Variants in ENOX1 observed in about 807,000 individuals in gnomAD.
ENOX1 encodes the protein ecto-NOX disulfide-thiol exchanger 1.
In ENOX1, 42 loss-of-function variants were observed where a neutral mutation model predicts 82.5. The observed-to-expected ratio is 0.51, with a 90% CI of 0.40 to 0.66. The LOEUF is 0.66. Ranked by LOEUF, ENOX1 falls within the 30% of genes least tolerant of loss-of-function variation. The pLI, the probability that ENOX1 is intolerant of heterozygous loss-of-function variation, is 0.00. For synonymous variants in ENOX1, 271 were observed against 282.2 expected (o/e 0.96, Z 0.40); for missense variants, 608 against 811.6 (o/e 0.75, Z 3.05).
At chr13:43,416,429 G>A (rs565146362) in intron 3 of ENOX1, among the ~76,000 whole-genome samples, 44 of 121,862 alleles carry the variant, frequency 3.6e-4, no homozygotes, top group Admixed American at 5.7e-4. Context: ...CAGACGGGGC[G>A]GCCGGGCAGA....
chr13:43,265,655 G>C (rs2044330767), intron 13 of ENOX1, among the ~76,000 whole-genome samples: 1 of 152,062 alleles, frequency 6.6e-6, no homozygotes, highest in African/African-American at 2.4e-5. Context: ...TTTGATGCCT[G>C]GCAAAAGAAT....
At chr13:43,479,832 A>G (rs1298538986) in intron 3 of ENOX1, among the ~76,000 whole-genome samples, 1 of 152,238 alleles carries the variant, frequency 6.6e-6, no homozygotes, top group Non-Finnish European at 1.5e-5. Context: ...GACAAGGGAA[A>G]GAAGGTTTGA....
intron 2 of ENOX1, among the ~76,000 whole-genome samples, chr13:43,582,160 G>A (rs374241126): frequency 4.0e-5 from 6 of 151,868 alleles, no homozygotes; most frequent in Admixed American, 2.6e-4. Flanking sequence ...GAAAAAATAT[G>A]TCTTATCTTC....
In ENOX1 at chr13:43,589,060, GATAAACAC is replaced by G. The variant is rs2081119362; in HGVS notation, c.-219+78411_-219+78418del. On this transcript the variant is annotated intron_variant, in intron 2 of 16. Transcript: ENST00000690772. Reference sequence around the variant, plus strand: ...ATGATGGATAAACAGCTAACTTACAGATAAACACATTGCTGAGCTCTCCAGAAAACAAG... The same window carrying G: ...ATGATGGATAAACAGCTAACTTACAGATTGCTGAGCTCTCCAGAAAACAAG... Among the ~76,000 whole-genome samples, 3 of 151,606 alleles carry G rather than the reference GATAAACAC, an allele frequency of 2.0e-5. No homozygotes were observed. In the South Asian group the frequency reaches 6.2e-4, roughly 32 times the overall value.
intron 9 of ENOX1, among the ~76,000 whole-genome samples, chr13:43,338,676 GTTTTTTTTTTT>G (rs71099830): frequency 8.4e-4 from 68 of 81,280 alleles, no homozygotes; most frequent in South Asian, 5.8e-3. Flanking sequence ...TTCAGGTTGG[GTTTTTTTTTTT>G]TTTTTTTTTT....
chr13:43,769,146 G>A (rs1016712968), intron 1 of ENOX1, among the ~76,000 whole-genome samples: 6 of 152,140 alleles, frequency 3.9e-5, no homozygotes, highest in African/African-American at 1.4e-4. Flanking sequence ...TCCTCTTATT[G>A]TCATTAGAAA....
At chr13:43,271,972 A>G (rs1166219405) in intron 12 of ENOX1, among the ~76,000 whole-genome samples, 1 of 151,998 alleles carries the variant, frequency 6.6e-6, no homozygotes, top group East Asian at 1.9e-4. Context: ...AGATCCATCC[A>G]TGTTACTATT....
intron 14 of ENOX1, among the ~76,000 whole-genome samples, chr13:43,243,128 T>A (rs2042917411): frequency 8.8e-6 from 1 of 114,140 alleles, no homozygotes; most frequent in Non-Finnish European, 1.7e-5. Flanking sequence ...AGAGTGAGAC[T>A]CTGTCTCAAA....
chr13:43,562,535 A>C (rs2079728375), intron 2 of ENOX1, among the ~76,000 whole-genome samples: 1 of 152,188 alleles, frequency 6.6e-6, no homozygotes, highest in Admixed American at 6.5e-5. Context: ...ACCAATAATA[A>C]CACTGAATGT....
chr13:43,539,920 AT>A (rs971410852), intron 2 of ENOX1, among the ~76,000 whole-genome samples: 2 of 151,556 alleles, frequency 1.3e-5, no homozygotes, highest in Admixed American at 6.6e-5. Context: ...GTATCTAGTA[AT>A]TTTTTTTTAT....
At chr13:43,769,944 T>C (rs2153836992) in intron 1 of ENOX1, among the ~76,000 whole-genome samples, 1 of 152,342 alleles carries the variant, frequency 6.6e-6, no homozygotes, top group South Asian at 2.1e-4. Flanking sequence ...CTTAGATGGC[T>C]TATGTAAAAT....
intron 1 of ENOX1, among the ~76,000 whole-genome samples, chr13:43,674,230 C>T (rs1296097457): frequency 6.6e-6 from 1 of 152,092 alleles, no homozygotes; most frequent in Admixed American, 6.6e-5. Flanking sequence ...GGAGTACAAG[C>T]CAGGAACAAG....
At chr13:43,650,663 A>AC (rs35447964) in intron 2 of ENOX1, among the ~76,000 whole-genome samples, 150,877 of 152,158 alleles carry the variant, frequency 0.99, 74,817 homozygotes, top group Middle Eastern at 1. Context: ...ACATGGTGAA[A>AC]CCCGTCTCTA....
chr13:43,334,476 C>T (rs565510018), intron 9 of ENOX1, among the ~76,000 whole-genome samples: 7 of 152,128 alleles, frequency 4.6e-5, no homozygotes, highest in African/African-American at 1.7e-4. Context: ...GCTCAGAGTC[C>T]CTGGGGGAGA....
intron 14 of ENOX1, among the ~76,000 whole-genome samples, chr13:43,247,483 G>C (rs917827672): frequency 6.6e-6 from 1 of 152,034 alleles, no homozygotes; most frequent in Non-Finnish European, 1.5e-5. Flanking sequence ...CAATGGAAGC[G>C]TCAGGAGATT....
Position 43,322,394 on chromosome 13 carries a change from G to C in ENOX1, c.1251C>G (p.Val417=). 6.2e-7 allele frequency: 1 copy of C among 1,613,238 alleles called. No homozygotes were observed. Among genetic ancestry groups the C allele is most frequent in the Non-Finnish European group, 8.5e-7 (1 of 1,179,402 alleles). ...AGTTATCGGCATTACCTGATTCATC[G>C]ACTCTCATTTTCTTTGTAGGGCTGT... ...NCDSPTKKMR[V]DESALAAQAY... Residue 417 remains valine, a synonymous_variant, in exon 11 of 17, where the codon GTC becomes GTG. Coordinates refer to ENST00000690772, the MANE Select transcript of ENOX1 (RefSeq NM_001347969.2).
chr13:43,741,826 A>G (rs1033169622), intron 1 of ENOX1, among the ~76,000 whole-genome samples: 2 of 152,246 alleles, frequency 1.3e-5, no homozygotes, highest in Non-Finnish European at 2.9e-5. Flanking sequence ...ATCCAAGATC[A>G]TGAAGATTTA....
intron 14 of ENOX1, among the ~76,000 whole-genome samples, chr13:43,253,026 T>C (rs2043544682): frequency 6.6e-6 from 1 of 152,238 alleles, no homozygotes; most frequent in African/African-American, 2.4e-5. Flanking sequence ...ACATGTTACT[T>C]GTAGACTGAC....
chr13:43,282,721 C>T (rs2045463761), intron 12 of ENOX1, among the ~76,000 whole-genome samples: 1 of 151,924 alleles, frequency 6.6e-6, no homozygotes, highest in African/African-American at 2.4e-5. Context: ...ACCACACCCA[C>T]CCTTGGTATT....
Sources: allele counts gnomAD v4.1 joint callset (sites outside exome capture counted in the v4.1 genomes callset), GRCh38; gene constraint gnomAD v4.1.1; transcripts MANE v1.5; gene names NCBI Gene and HGNC (gene_info 2026-07-23, HGNC 2026-07-21).